PCCA: variants seen among roughly 807,000 people sequenced by gnomAD.
PCCA encodes the protein propionyl-CoA carboxylase alpha chain, mitochondrial.
In PCCA, 74 loss-of-function variants were observed where a neutral mutation model predicts 101.3. That is an observed-to-expected ratio of 0.73 (90% CI 0.61 to 0.89). PCCA has a LOEUF of 0.89. Among genes scored for constraint, PCCA ranks in the 40% least tolerant of loss-of-function variants. PCCA has a pLI of 0.00. For synonymous variants in PCCA, 294 were observed against 313.6 expected (o/e 0.94, Z 0.66); for missense variants, 891 against 907.0 (o/e 0.98, Z 0.23).
intron 9 of PCCA, among the ~76,000 whole-genome samples, chr13:100,258,767 A>G (rs1282754888): frequency 6.6e-6 from 1 of 152,172 alleles, no homozygotes; most frequent in Non-Finnish European, 1.5e-5. Flanking sequence ...ATCATTTTGT[A>G]AATAATTTAG....
chr13:100,468,590 A>G (rs147829703), intron 21 of PCCA, among the ~76,000 whole-genome samples: 146 of 152,266 alleles, frequency 9.6e-4, no homozygotes, highest in African/African-American at 3.2e-3. Context: ...TCATGAATCA[A>G]CTTCTGCTAG....
chr13:100,135,922 T>C (rs1032779351), intron 4 of PCCA, among the ~76,000 whole-genome samples: 2 of 152,182 alleles, frequency 1.3e-5, no homozygotes, highest in Non-Finnish European at 2.9e-5. Context: ...TTTTTCCTTT[T>C]GATTGTAATA....
chr13:100,229,242 G>A (rs181325309), intron 7 of PCCA, among the ~76,000 whole-genome samples: 3 of 152,318 alleles, frequency 2.0e-5, no homozygotes, highest in Non-Finnish European at 4.4e-5. Context: ...GCTTGGTTTT[G>A]CCCAATGCCA....
At chr13:100,201,661 C>T (rs1310137792) in intron 6 of PCCA, among the ~76,000 whole-genome samples, 2 of 151,826 alleles carry the variant, frequency 1.3e-5, no homozygotes, top group Non-Finnish European at 2.9e-5. Flanking sequence ...AGTTTGAGAC[C>T]AGCCTGACCA....
intron 6 of PCCA, among the ~76,000 whole-genome samples, chr13:100,194,934 A>C (rs1055283182): frequency 6.6e-6 from 1 of 152,170 alleles, no homozygotes; most frequent in African/African-American, 2.4e-5. Flanking sequence ...CTTATACTGT[A>C]AAATTGCCAA....
intron 15 of PCCA, among the ~76,000 whole-genome samples, chr13:100,309,246 A>G (rs1219089742): frequency 1.3e-5 from 2 of 152,170 alleles, no homozygotes; most frequent in Non-Finnish European, 2.9e-5. Flanking sequence ...AATACAAAAA[A>G]ATTAGCTGGG....
chr13:100,284,768 T>G (rs893094158), intron 12 of PCCA, among the ~76,000 whole-genome samples: 2 of 152,212 alleles, frequency 1.3e-5, no homozygotes, highest in African/African-American at 4.8e-5. Context: ...TCCCAGTTCC[T>G]CTTTGCCTTT....
intron 1 of PCCA, among the ~76,000 whole-genome samples, chr13:100,099,072 T>A (rs1174002358): frequency 1.3e-5 from 2 of 152,152 alleles, no homozygotes; most frequent in Non-Finnish European, 2.9e-5. Flanking sequence ...TATAGCTCCA[T>A]TAACCCAGTT....
chr13:100,131,537 C>T (rs575139170), intron 4 of PCCA, among the ~76,000 whole-genome samples: 9 of 152,280 alleles, frequency 5.9e-5, no homozygotes, highest in Middle Eastern at 3.4e-3. Flanking sequence ...AGTTCAGTAA[C>T]ATTAAGCACA....
At chr13:100,411,299 C>G (rs1304232974) in intron 19 of PCCA, among the ~76,000 whole-genome samples, 1 of 150,306 alleles carries the variant, frequency 6.7e-6, no homozygotes, top group South Asian at 2.1e-4. Flanking sequence ...GATCTTGACT[C>G]ACTGTTACCT....
chr13:100,291,499 A>G (rs2152658486), intron 12 of PCCA, among the ~76,000 whole-genome samples: 1 of 152,256 alleles, frequency 6.6e-6, no homozygotes, highest in Non-Finnish European at 1.5e-5. Flanking sequence ...CTTTTTGGGC[A>G]AAGTTGTATT....
At chr13:100,266,869 T>TA (rs1166982150) in intron 10 of PCCA, among the ~76,000 whole-genome samples, 3 of 152,204 alleles carry the variant, frequency 2.0e-5, no homozygotes, top group Non-Finnish European at 2.9e-5. Context: ...CAGTATAGCT[T>TA]AGAGATTTTT....
At chr13:100,252,003 G>A (rs996316477) in intron 8 of PCCA, among the ~76,000 whole-genome samples, 2 of 151,806 alleles carry the variant, frequency 1.3e-5, no homozygotes, top group African/African-American at 4.8e-5. Context: ...GGAGGCTGAG[G>A]GGGTTCAAAA....
chr13:100,310,028 G>A, intron 16 of PCCA, 120 bp downstream of exon 16: 1 of 752,808 alleles, frequency 1.3e-6, no homozygotes, highest in South Asian at 1.5e-5. Flanking sequence ...TGCTTAAAGA[G>A]AAATAAGAAA....
chr13:100,168,720 C>A (rs2055313809), intron 6 of PCCA, among the ~76,000 whole-genome samples: 1 of 152,102 alleles, frequency 6.6e-6, no homozygotes, highest in African/African-American at 2.4e-5. Flanking sequence ...GGTGACCATC[C>A]CTTCCCTGTG....
At chr13:100,225,159 A>T (rs112640653) in intron 7 of PCCA, among the ~76,000 whole-genome samples, 1 of 152,288 alleles carries the variant, frequency 6.6e-6, no homozygotes, top group African/African-American at 2.4e-5. Context: ...GAAACGGTAG[A>T]CCCCTAAAAT....
At position 100,127,808 on chromosome 13, in the gene PCCA, C is replaced by T. The variant is rs547892085; in HGVS notation, c.300+15747C>T. 3.9e-5 allele frequency among the ~76,000 whole-genome samples: 6 copies of T among 152,196 alleles called. No homozygotes were observed. In the East Asian group the frequency reaches 9.7e-4, roughly 25 times the overall value. ...TCGGGAGGCTGAGGCAGGAGAATGG[C>T]GTGAACCTGAGAAGCAGAGCTTGCA... On this transcript the variant is annotated intron_variant, in intron 4 of 23. Transcript: ENST00000376285.
At chr13:100,272,029 T>C (rs937017389) in intron 11 of PCCA, among the ~76,000 whole-genome samples, 2 of 152,194 alleles carry the variant, frequency 1.3e-5, no homozygotes, top group Non-Finnish European at 2.9e-5. Context: ...GAAAAGTAGT[T>C]AATGTTTTGT....
chr13:100,314,624 T>A (rs2067186203), intron 16 of PCCA, among the ~76,000 whole-genome samples: 2 of 152,196 alleles, frequency 1.3e-5, no homozygotes, highest in South Asian at 4.2e-4. Context: ...CTCTCAACAG[T>A]CATTTCTATG....
Sources: gnomAD v4.1 joint callset for allele counts (sites outside exome capture counted in the v4.1 genomes callset) on GRCh38, gnomAD v4.1.1 for gene constraint, MANE v1.5 for transcripts, NCBI Gene and HGNC (gene_info 2026-07-23, HGNC 2026-07-21) for gene names.